CDC40: variants seen among roughly 807,000 people sequenced by gnomAD.
CDC40 encodes the protein cell division cycle 40.
Under a neutral mutation model 80.6 loss-of-function variants are expected in CDC40, and 27 were observed. The observed-to-expected ratio is 0.33, with a 90% CI of 0.25 to 0.46. CDC40 has a LOEUF of 0.46. CDC40 is among the 20% of genes least tolerant of loss of function. The pLI is 1.00. For missense variants in CDC40, 486 were observed against 694.1 expected, an observed-to-expected ratio of 0.70 and a Z score of 3.37; for synonymous variants, 221 against 232.6, an observed-to-expected ratio of 0.95 and a Z score of 0.45.
Position 110,180,487 on chromosome 6 carries a change from G to C in CDC40, c.43G>C (p.Gly15Arg). ...IAALAASYGS[G>R]SGSESDSDSE... The stretch of plus-strand genomic sequence containing the variant: ...AGCTCTGGCCGCTTCCTATGGTTCG[G>C]GTTCAGGGTCCGAATCGGACTCGGA... The change falls in exon 1 of 15, where the codon GGT (glycine) becomes CGT (arginine). Residue 15 changes from glycine to arginine, a missense_variant. By Grantham distance (125) the Gly-to-Arg change is moderately radical (BLOSUM62 -2). Transcript: ENST00000307731. 1.2e-6 allele frequency: 2 copies of C among 1,614,188 alleles called. No homozygotes were observed. The highest frequency in any genetic ancestry group is 1.7e-6 in the Non-Finnish European group (2 of 1,180,044).
At chr6:110,193,142 A>G in intron 1 of CDC40, 40 bp from the exon 2 acceptor site, 1 of 1,215,298 alleles carries the variant, frequency 8.2e-7, no homozygotes, top group Non-Finnish European at 1.2e-6. Context: ...TAAAATAGTC[A>G]TTTATCAGAT....
intron 14 of CDC40, 67 bp from the exon 15 acceptor site, chr6:110,229,887 A>C: frequency 9.9e-7 from 1 of 1,013,280 alleles, no homozygotes; most frequent in Non-Finnish European, 1.5e-6. Context: ...TAACGTCCCT[A>C]TTCCTCATTC....
At chr6:110,210,400 A>G (rs1469815804) in intron 5 of CDC40, among the ~76,000 whole-genome samples, 1 of 151,664 alleles carries the variant, frequency 6.6e-6, no homozygotes. Flanking sequence ...AACAGAAAAA[A>G]TTAGCCAGGC....
At chr6:110,209,036 C>T (rs1428634253) in intron 4 of CDC40, 48 bp from the exon 5 acceptor site, 3 of 1,130,630 alleles carry the variant, frequency 2.7e-6, no homozygotes, top group African/African-American at 3.2e-5. Flanking sequence ...AAATGTACAT[C>T]TTTGTAATCT....
At chr6:110,194,971 C>T (rs995844650) in intron 2 of CDC40, among the ~76,000 whole-genome samples, 5 of 152,024 alleles carry the variant, frequency 3.3e-5, no homozygotes, top group Non-Finnish European at 5.9e-5. Flanking sequence ...TCTTTTTCCT[C>T]GGGTTAGAGA....
At chr6:110,214,420 A>G (rs2114666073) in intron 8 of CDC40, among the ~76,000 whole-genome samples, 2 of 152,342 alleles carry the variant, frequency 1.3e-5, no homozygotes, top group Middle Eastern at 6.8e-3. Context: ...TCAAAGAGGA[A>G]GCATACCTTA....
At chr6:110,222,572 AAAC>A (rs545227829) in intron 12 of CDC40, among the ~76,000 whole-genome samples, 170 of 152,224 alleles carry the variant, frequency 1.1e-3, no homozygotes, top group African/African-American at 3.9e-3. Context: ...CAAAAAAAAC[AAAC>A]AACAACAACA....
chr6:110,196,125 A>G (rs1777416269), intron 2 of CDC40, among the ~76,000 whole-genome samples: 1 of 152,162 alleles, frequency 6.6e-6, no homozygotes, highest in South Asian at 2.1e-4. Context: ...TCCTTATTTT[A>G]TAGCAAGGAA....
At chr6:110,226,972 T>C (rs1338350064) in intron 13 of CDC40, among the ~76,000 whole-genome samples, 3 of 151,736 alleles carry the variant, frequency 2.0e-5, no homozygotes, top group Admixed American at 1.3e-4. Context: ...CATGTGACTG[T>C]ACTCCAGCCT....
chr6:110,191,645 A>C (rs1777350635), intron 1 of CDC40, among the ~76,000 whole-genome samples: 1 of 152,228 alleles, frequency 6.6e-6, no homozygotes, highest in South Asian at 2.1e-4. Context: ...TTCCAAAAGG[A>C]AATAACGGTA....
intron 4 of CDC40, 94 bp from the exon 5 acceptor site, chr6:110,208,990 A>C: frequency 1.2e-6 from 1 of 810,578 alleles, no homozygotes. Context: ...TTAACCATAT[A>C]AAATAAAATT....
chr6:110,205,990 A>G (rs1468178018), intron 3 of CDC40, among the ~76,000 whole-genome samples: 1 of 152,216 alleles, frequency 6.6e-6, no homozygotes, highest in Non-Finnish European at 1.5e-5. Context: ...GAAAAAAACT[A>G]TATGCAAATC....
At chr6:110,210,616 G>A in intron 5 of CDC40, 91 bp from the exon 6 acceptor site, 1 of 430,636 alleles carries the variant, frequency 2.3e-6, no homozygotes, top group East Asian at 4.6e-5. Flanking sequence ...GACCAGATAT[G>A]TAGAAGTCAT....
intron 1 of CDC40, among the ~76,000 whole-genome samples, chr6:110,189,032 C>G (rs1180627376): frequency 2.0e-5 from 3 of 152,206 alleles, no homozygotes; most frequent in Non-Finnish European, 2.9e-5. Context: ...CTGACTGATA[C>G]ACCTAGTTAC....
intron 12 of CDC40, among the ~76,000 whole-genome samples, chr6:110,220,532 C>A (rs1295039896): frequency 1.3e-5 from 2 of 150,834 alleles, no homozygotes; most frequent in African/African-American, 4.9e-5. Flanking sequence ...GCAAGCTCCG[C>A]CTCCCGGGTT....
Position 110,230,195 on chromosome 6 carries a change from T to C in CDC40, c.*64T>C. 3 of 980,990 alleles carry C rather than the reference T, an allele frequency of 3.1e-6. No individual in the cohort carries two copies. Among genetic ancestry groups the C allele is most frequent in the Non-Finnish European group, 4.6e-6 (3 of 647,462 alleles). 60.8% of individuals were successfully genotyped at this position (980,990 alleles called of 1,614,324 possible). A position where few individuals can be genotyped will look rare whatever the true frequency, so the allele number is the denominator to read the frequency against. ...CCATTGTCATATTTATATTTAATTA[T>C]TAAATGTATCTGATGATAACTTGAT... On this transcript the variant is annotated 3_prime_UTR_variant, in exon 15 of 15. Transcript: ENST00000307731.
chr6:110,203,269 A>C (rs948473974), intron 3 of CDC40, among the ~76,000 whole-genome samples: 1 of 152,134 alleles, frequency 6.6e-6, no homozygotes, highest in African/African-American at 2.4e-5. Context: ...TATGACTTCT[A>C]TTAGTTTGTC....
At chr6:110,224,275 G>T (rs1327073093) in intron 12 of CDC40, 2 of 151,884 alleles carry the variant, frequency 1.3e-5, no homozygotes, top group African/African-American at 4.8e-5. Context: ...CTTTTATTAG[G>T]TTTTTTTCGT....
chr6:110,180,616 C>A lies in CDC40; in HGVS notation c.172C>A (p.Pro58Thr), dbSNP rs763271331. 6.2e-7 allele frequency: 1 copy of A among 1,612,860 alleles called. No homozygotes were observed. Among genetic ancestry groups the A allele is most frequent in the Non-Finnish European group, 8.5e-7 (1 of 1,178,900 alleles). The stretch of plus-strand genomic sequence containing the variant: ...TCTAGCAGTGGCAGTGGACTCGGCT[C>A]CGGAGGTGGCAGTTAAGGTAAGCAC... ...PSLAVAVDSAPEVAVKEDLET... is the reference protein window; with the variant it reads ...PSLAVAVDSATEVAVKEDLET... The change falls in exon 1 of 15, where the codon CCG becomes ACG. Residue 58 changes from proline (P) to threonine (T), a missense_variant. Coordinates refer to ENST00000307731, the MANE Select transcript of CDC40 (RefSeq NM_015891.3).
Sources: gnomAD v4.1 joint callset for allele counts (sites outside exome capture counted in the v4.1 genomes callset) on GRCh38, gnomAD v4.1.1 for gene constraint, MANE v1.5 for transcripts, NCBI Gene and HGNC (gene_info 2026-07-23, HGNC 2026-07-21) for gene names.